The following TRIM62 variants were observed in gnomAD, a reference collection of about 807,000 sequenced individuals.
TRIM62 encodes the protein E3 ubiquitin-protein ligase TRIM62.
Under a neutral mutation model 44.2 loss-of-function variants are expected in TRIM62, and 39 were observed. That is an observed-to-expected ratio of 0.88 (90% CI 0.68 to 1.15). TRIM62 has a LOEUF of 1.15. Ranked by LOEUF, TRIM62 falls within the 50% of genes most tolerant of loss-of-function variation. TRIM62 has a pLI of 0.00. For synonymous variants in TRIM62, 278 were observed against 292.3 expected (o/e 0.95, Z 0.50); for missense variants, 544 against 665.5 (o/e 0.82, Z 2.01).
Position 33,165,640 on chromosome 1 carries a change from G to A in TRIM62, c.409-74C>T, listed in dbSNP as rs1645321492. 1 of 1,331,450 alleles carries A rather than the reference G, an allele frequency of 7.5e-7. No individual in the cohort carries two copies. The highest frequency in any genetic ancestry group is 1.0e-6 in the Non-Finnish European group (1 of 987,196). 82.5% of individuals were successfully genotyped at this position (1,331,450 alleles called of 1,614,324 possible). On this transcript the variant is annotated intron_variant, in intron 1 of 4. Coordinates refer to ENST00000291416, the MANE Select transcript of TRIM62 (RefSeq NM_018207.3). The surrounding 1 kb of genome is among the most constrained non-coding windows in gnomAD (Gnocchi z 4.0). ...AGGCATTCAGCCCTGACCACTGCCA[G>A]GCGCTGGGGGTTAGCCTGGTCTCTG... is the stretch of plus-strand genomic sequence containing the variant.
rs1313896635 is a variant in TRIM62, at chr1:33,177,102, T to G, written c.408+3923A>C. On this transcript the variant is annotated intron_variant, in intron 1 of 4. Coordinates refer to ENST00000291416, the MANE Select transcript of TRIM62 (RefSeq NM_018207.3). This position sits in a 1 kb window ranked among gnomAD's most constrained non-coding sequence, Gnocchi z 4.1. ...ACATGCATGCACAAATGCACACACA[T>G]GCACACACACATGCATGTACGCATG... 6.6e-6 allele frequency among the ~76,000 whole-genome samples: 1 copy of G among 150,404 alleles called. No homozygotes were observed. Among genetic ancestry groups the G allele is most frequent in the Non-Finnish European group, 1.5e-5 (1 of 67,506 alleles).
At chr1:33,158,717 GTTA>G (rs1301315468) in intron 3 of TRIM62, among the ~76,000 whole-genome samples, 1 of 152,230 alleles carries the variant, frequency 6.6e-6, no homozygotes, top group Non-Finnish European at 1.5e-5. Context: ...ATGACTAAGT[GTTA>G]TTACTACTAA....
intron 4 of TRIM62, among the ~76,000 whole-genome samples, chr1:33,151,899 T>C (rs1446245779): frequency 6.6e-6 from 1 of 152,178 alleles, no homozygotes; most frequent in East Asian, 1.9e-4. Context: ...AGTGAGTGGA[T>C]TGTGTTTCTT....
At chr1:33,150,087 G>A (rs908614813) in intron 4 of TRIM62, among the ~76,000 whole-genome samples, 10 of 152,232 alleles carry the variant, frequency 6.6e-5, no homozygotes, top group Non-Finnish European at 1.3e-4. Flanking sequence ...CTCCCTGAGG[G>A]AGCTGATAAC....
chr1:33,173,425 ATGTGTATG>A (rs1044742328), intron 1 of TRIM62, among the ~76,000 whole-genome samples: 6 of 152,194 alleles, frequency 3.9e-5, no homozygotes, highest in African/African-American at 1.4e-4. Flanking sequence ...GTGCGCATGC[ATGTGTATG>A]TGTGTATGTG....
At chr1:33,178,572 G>A in intron 1 of TRIM62, among the ~76,000 whole-genome samples, 1 of 152,238 alleles carries the variant, frequency 6.6e-6, no homozygotes, top group East Asian at 1.9e-4. Context: ...AGCCCGTACT[G>A]TGTGCCTTTG....
At chr1:33,172,536 G>T (rs1645382452) in intron 1 of TRIM62, among the ~76,000 whole-genome samples, 1 of 152,130 alleles carries the variant, frequency 6.6e-6, no homozygotes, top group African/African-American at 2.4e-5. Context: ...ATTCCACAGG[G>T]CCCCATCGGA....
intron 4 of TRIM62, among the ~76,000 whole-genome samples, chr1:33,155,815 G>C (rs1250346506): frequency 6.6e-6 from 1 of 151,942 alleles, no homozygotes; most frequent in Non-Finnish European, 1.5e-5. Flanking sequence ...ATCTGCCCTT[G>C]GGGGGGATCT....
rs1193293550 is a variant in TRIM62, at chr1:33,146,273, A to G, written c.*904T>C. On this transcript the variant is annotated 3_prime_UTR_variant, in exon 5 of 5. Coordinates refer to ENST00000291416, the MANE Select transcript of TRIM62 (RefSeq NM_018207.3). ...AGGATCCTAACTGAGATAGATGCCA[A>G]GTCTGACAAGGGGTCCAGCCAACAG... The G allele has an allele frequency of 5.0e-6, 1 of 199,140 alleles. No homozygotes were observed. The highest frequency in any genetic ancestry group is 1.4e-4 in the East Asian group (1 of 7,012). 12.3% of individuals were successfully genotyped at this position (199,140 alleles called of 1,614,324 possible). A position where few individuals can be genotyped will look rare whatever the true frequency, so the allele number is the denominator to read the frequency against.
Position 33,146,917 on chromosome 1 carries a change from C to T in TRIM62, c.*260G>A. 1 of 517,862 alleles carries T rather than the reference C, an allele frequency of 1.9e-6. No homozygotes were observed. The allele number at this position is 517,862 out of a possible 1,614,324, so 32.1% of individuals were successfully genotyped here. On this transcript the variant is annotated 3_prime_UTR_variant, in exon 5 of 5. Coordinates refer to ENST00000291416, the MANE Select transcript of TRIM62 (RefSeq NM_018207.3). Reference sequence around the variant, plus strand: ...GGGGATGAGGGTTGGGCAGGGGTTGCCCTGAGGAGAAGCCATGTCACATCC... The same window carrying T: ...GGGGATGAGGGTTGGGCAGGGGTTGTCCTGAGGAGAAGCCATGTCACATCC...
Position 33,147,009 on chromosome 1 carries a change from G to T in TRIM62, c.*168C>A. ...ACATCGATGCTGGAAGAGAGTTTAG[G>T]AAGTAGGGAATGCAACCTCCATTTT... On this transcript the variant is annotated 3_prime_UTR_variant, in exon 5 of 5. Transcript: ENST00000291416. This position sits in a 1 kb window ranked among gnomAD's most constrained non-coding sequence, Gnocchi z 8.1. 3.0e-6 allele frequency: 2 copies of T among 658,886 alleles called. No individual in the cohort carries two copies. Among genetic ancestry groups the T allele is most frequent in the East Asian group, 2.7e-5 (1 of 36,732 alleles). 40.8% of individuals were successfully genotyped at this position (658,886 alleles called of 1,614,324 possible). A position where few individuals can be genotyped will look rare whatever the true frequency, so the allele number is the denominator to read the frequency against.
intron 4 of TRIM62, among the ~76,000 whole-genome samples, chr1:33,154,131 A>G (rs1041375849): frequency 4.0e-5 from 6 of 151,846 alleles, no homozygotes; most frequent in Admixed American, 6.6e-5. Context: ...GGGAGAATAC[A>G]AAACATGTAG....
In TRIM62 at chr1:33,181,375, C is replaced by G; in HGVS notation, c.58G>C (p.Asp20His). Residue 20 changes from aspartate (D) to histidine (H), a missense_variant, in exon 1 of 5, where the codon GAC becomes CAC. By Grantham distance (81) the Asp-to-His change is moderately conservative. Transcript: ENST00000291416. This position sits in a 1 kb window ranked among gnomAD's most constrained non-coding sequence, Gnocchi z 6.5. ...TGCTCGCAGCCCAGGCTCACCGGGT[C>G]CTGGTAGATGCTCAGGCAGATGGAG... The part of the protein sequence containing the change: ...LCSICLSIYQ[D>H]PVSLGCEHYF... The G allele has an allele frequency of 6.2e-7, 1 of 1,600,828 alleles. No homozygotes were observed. The highest frequency in any genetic ancestry group is 8.5e-7 in the Non-Finnish European group (1 of 1,176,346).
rs646065 is a variant in TRIM62, at chr1:33,177,136, C to T, written c.408+3889G>A. Reference sequence around the variant, plus strand: ...ACATGCATGTACGCATGCACACACACGCACATGCACACCCACAGGTTACAT... The same window carrying T: ...ACATGCATGTACGCATGCACACACATGCACATGCACACCCACAGGTTACAT... On this transcript the variant is annotated intron_variant, in intron 1 of 4. Coordinates refer to ENST00000291416, the MANE Select transcript of TRIM62 (RefSeq NM_018207.3). This position sits in a 1 kb window ranked among gnomAD's most constrained non-coding sequence, Gnocchi z 4.1. Among the ~76,000 whole-genome samples, 104,504 of 151,772 alleles carry T rather than the reference C, an allele frequency of 0.69. 36,408 individuals are homozygous for T. Among genetic ancestry groups the T allele is most frequent in the Non-Finnish European group, 0.74 (50,234 of 67,872 alleles).
At chr1:33,173,011 A>G (rs1326506079) in intron 1 of TRIM62, among the ~76,000 whole-genome samples, 1 of 152,060 alleles carries the variant, frequency 6.6e-6, no homozygotes, top group Non-Finnish European at 1.5e-5. Flanking sequence ...CCTCTTCTCC[A>G]TGTCTGGGTA....
Position 33,177,602 on chromosome 1 carries a change from A to G in TRIM62, c.408+3423T>C, listed in dbSNP as rs1645432214. ...CTTTTCTAGGTCAGGTTTCTCAACT[A>G]GAGGTGATTTTGACTCTAGGAGACA... On this transcript the variant is annotated intron_variant, in intron 1 of 4. Coordinates refer to ENST00000291416, the MANE Select transcript of TRIM62 (RefSeq NM_018207.3). This position sits in a 1 kb window ranked among gnomAD's most constrained non-coding sequence, Gnocchi z 4.1. 6.6e-6 allele frequency among the ~76,000 whole-genome samples: 1 copy of G among 152,174 alleles called. No homozygotes were observed. The highest frequency in any genetic ancestry group is 2.1e-4 in the South Asian group (1 of 4,836).
intron 1 of TRIM62, among the ~76,000 whole-genome samples, chr1:33,174,385 T>G (rs1645397333): frequency 6.6e-6 from 1 of 152,180 alleles, no homozygotes; most frequent in Non-Finnish European, 1.5e-5. Context: ...GGTTTTGCCA[T>G]GTTGCCCACA....
chr1:33,173,381 C>A (rs1233451580), intron 1 of TRIM62, among the ~76,000 whole-genome samples: 1 of 152,164 alleles, frequency 6.6e-6, no homozygotes, highest in Non-Finnish European at 1.5e-5. Context: ...GGATCAAGCT[C>A]AATGGGTGCG....
At chr1:33,150,030 G>T (rs1202111244) in intron 4 of TRIM62, among the ~76,000 whole-genome samples, 1 of 152,214 alleles carries the variant, frequency 6.6e-6, no homozygotes, top group African/African-American at 2.4e-5. Context: ...TAGCAGGTCT[G>T]ACTAAAAATT....
Sources: allele counts gnomAD v4.1 joint callset (sites outside exome capture counted in the v4.1 genomes callset), GRCh38; gene constraint gnomAD v4.1.1; non-coding constraint Gnocchi (gnomAD v3.1); transcripts MANE v1.5; gene names NCBI Gene and HGNC (gene_info 2026-07-23, HGNC 2026-07-21).